Variants in UTP6 observed in about 807,000 individuals in gnomAD.
UTP6 encodes U3 small nucleolar RNA-associated protein 6 homolog.
Under a neutral mutation model 96.5 loss-of-function variants are expected in UTP6, and 60 were observed. The ratio of observed to expected loss-of-function variants is 0.62; its 90% CI spans 0.51 to 0.77. The LOEUF (loss-of-function observed/expected upper bound fraction) is 0.77, where lower values mean the gene tolerates loss of function less well. UTP6 is among the 30% of genes least tolerant of loss of function. The pLI, the probability that UTP6 is intolerant of heterozygous loss-of-function variation, is 0.00. For missense variants in UTP6, 637 were observed against 706.5 expected, an observed-to-expected ratio of 0.90 and a Z score of 1.12; for synonymous variants, 215 against 240.1, an observed-to-expected ratio of 0.90 and a Z score of 0.96.
rs1400996901 is a variant in UTP6, at chr17:31,880,454, C to T, written c.967+119G>A. 8 of 1,239,888 alleles carry T rather than the reference C, an allele frequency of 6.5e-6. No individual in the cohort carries two copies. In the South Asian group the frequency reaches 6.7e-5, roughly 10 times the overall value. The allele number at this position is 1,239,888 out of a possible 1,614,324, so 76.8% of individuals were successfully genotyped here. A position where few individuals can be genotyped will look rare whatever the true frequency, so the allele number is the denominator to read the frequency against. The stretch of plus-strand genomic sequence containing the variant: ...AAAAAAAAAAAAAGGCCAGGCTCAT[C>T]GTAAACTATGTTACAGAGACATCCC... On this transcript the variant is annotated intron_variant, in intron 11 of 18. Coordinates refer to ENST00000261708, the MANE Select transcript of UTP6 (RefSeq NM_018428.3).
chr17:31,894,084 C>T (rs1404482598), intron 4 of UTP6, among the ~76,000 whole-genome samples: 2 of 151,348 alleles, frequency 1.3e-5, no homozygotes, highest in African/African-American at 4.9e-5. Flanking sequence ...GCCTAAAAAA[C>T]ATGACGAAAC....
intron 9 of UTP6, among the ~76,000 whole-genome samples, chr17:31,885,363 G>A (rs897155466): frequency 4.0e-5 from 6 of 151,086 alleles, no homozygotes; most frequent in South Asian, 2.1e-4. Context: ...CAGGCTGGTC[G>A]CAAACTCCTG....
At chr17:31,864,132 C>T (rs1444973108) in intron 18 of UTP6, among the ~76,000 whole-genome samples, 1 of 152,100 alleles carries the variant, frequency 6.6e-6, no homozygotes, top group African/African-American at 2.4e-5. Context: ...CACCTGTAAT[C>T]CCGGCACTTT....
rs1909550099 is a variant in UTP6, at chr17:31,861,278, T to A, written c.*2081A>T. On this transcript the variant is annotated 3_prime_UTR_variant, in exon 19 of 19. Transcript: ENST00000261708. Reference sequence around the variant, plus strand: ...AAACAAGGCTGGGGGTAAAATTATTTGCAACAAATGAGAAACAAGATATTA... The same window carrying A: ...AAACAAGGCTGGGGGTAAAATTATTAGCAACAAATGAGAAACAAGATATTA... 1 of 151,994 alleles carries A rather than the reference T, an allele frequency of 6.6e-6. No homozygotes were observed. 9.4% of individuals were successfully genotyped at this position (151,994 alleles called of 1,614,324 possible). A position where few individuals can be genotyped will look rare whatever the true frequency, so the allele number is the denominator to read the frequency against.
intron 1 of UTP6, among the ~76,000 whole-genome samples, chr17:31,900,416 C>T (rs1424345515): frequency 2.0e-5 from 3 of 151,884 alleles, no homozygotes; most frequent in Admixed American, 6.6e-5. Context: ...CTCAGACTCC[C>T]GAGTAGCTGG....
rs1001043689 is a variant in UTP6, at chr17:31,868,185, G to C, written c.1497-73C>G. On this transcript the variant is annotated intron_variant, in intron 16 of 18. Coordinates refer to ENST00000261708, the MANE Select transcript of UTP6 (RefSeq NM_018428.3). ...CTTACATCTCATAACTGTAAATACC[G>C]AGACCAGTGCCTCCACAACACATGG... 12 of 1,372,520 alleles carry C rather than the reference G, an allele frequency of 8.7e-6. No homozygotes were observed. In the Admixed American group the frequency reaches 2.2e-4, roughly 25 times the overall value. 85.0% of individuals were successfully genotyped at this position (1,372,520 alleles called of 1,614,324 possible).
Position 31,873,756 on chromosome 17 carries a change from A to G in UTP6, c.1306-3T>C, listed in dbSNP as rs767481762. On this transcript the variant is annotated splice_region_variant and splice_polypyrimidine_tract_variant and intron_variant, in intron 14 of 18. Coordinates refer to ENST00000261708, the MANE Select transcript of UTP6 (RefSeq NM_018428.3). ...GAAATCCACAATGGCAGACAAACCT[A>G]CTCCCAGTTTAAAAAATGTTAGTTA... 6 of 1,603,096 alleles carry G rather than the reference A, an allele frequency of 3.7e-6. No individual in the cohort carries two copies. The highest frequency in any genetic ancestry group is 3.4e-6 in the Non-Finnish European group (4 of 1,177,748).
At chr17:31,864,082 C>T (rs1378262738) in intron 18 of UTP6, among the ~76,000 whole-genome samples, 1 of 151,726 alleles carries the variant, frequency 6.6e-6, no homozygotes, top group South Asian at 2.1e-4. Context: ...ATTCAATGAA[C>T]TCAAAAATAC....
At chr17:31,875,111 C>T (rs1215167697) in intron 14 of UTP6, 123 bp downstream of exon 14, 25 of 1,120,218 alleles carry the variant, frequency 2.2e-5, no homozygotes, top group African/African-American at 4.7e-5. Context: ...TGAACCATCA[C>T]CACTGAATAG....
chr17:31,884,727 A>C (rs1911052533), intron 9 of UTP6, among the ~76,000 whole-genome samples: 3 of 45,282 alleles, frequency 6.6e-5, no homozygotes, highest in African/African-American at 5.3e-4. Context: ...AAAAGAACTA[A>C]TTTTCAACTC....
rs984092912 is a variant in UTP6, at chr17:31,861,335, C to G, written c.*2024G>C. Reference sequence around the variant, plus strand: ...TGAATATGTTTTTAAAAACTCTGGCCAGGCACAATGGCTCATGCCTATAAT... The same window carrying G: ...TGAATATGTTTTTAAAAACTCTGGCGAGGCACAATGGCTCATGCCTATAAT... On this transcript the variant is annotated 3_prime_UTR_variant, in exon 19 of 19. Coordinates refer to ENST00000261708, the MANE Select transcript of UTP6 (RefSeq NM_018428.3). 1.3e-5 allele frequency: 2 copies of G among 152,200 alleles called. No individual in the cohort carries two copies. Among genetic ancestry groups the G allele is most frequent in the South Asian group, 2.1e-4 (1 of 4,814 alleles). 9.4% of individuals were successfully genotyped at this position (152,200 alleles called of 1,614,324 possible). A position where few individuals can be genotyped will look rare whatever the true frequency, so the allele number is the denominator to read the frequency against.
chr17:31,890,298 C>T, intron 6 of UTP6, among the ~76,000 whole-genome samples: 1 of 151,602 alleles, frequency 6.6e-6, no homozygotes, highest in Admixed American at 6.6e-5. Flanking sequence ...GCCTGGCCCA[C>T]ATACAAATTT....
At chr17:31,886,094 G>A in intron 8 of UTP6, 33 bp from the exon 9 acceptor site, 3 of 1,582,410 alleles carry the variant, frequency 1.9e-6, no homozygotes, top group Non-Finnish European at 2.6e-6. Context: ...TAACTTAACA[G>A]GTAGTACAAG....
intron 16 of UTP6, 79 bp downstream of exon 16, chr17:31,873,299 T>C (rs915780779): frequency 1.3e-5 from 17 of 1,337,228 alleles, no homozygotes; most frequent in Non-Finnish European, 1.6e-5. Flanking sequence ...AGATGCTATC[T>C]GTGATTCAAA....
chr17:31,878,592 A>G, intron 12 of UTP6, 110 bp downstream of exon 12: 1 of 1,096,916 alleles, frequency 9.1e-7, no homozygotes, highest in South Asian at 1.4e-5. Flanking sequence ...GAGAGTGGCT[A>G]AACATAAAAG....
intron 6 of UTP6, among the ~76,000 whole-genome samples, chr17:31,890,858 A>C (rs990651009): frequency 3.3e-5 from 5 of 151,396 alleles, no homozygotes; most frequent in Admixed American, 2.6e-4. Context: ...GTGGTGGTGC[A>C]CATCTGTAAT....
intron 14 of UTP6, 26 bp downstream of exon 14, chr17:31,875,208 G>T: frequency 6.2e-7 from 1 of 1,611,648 alleles, no homozygotes; most frequent in Non-Finnish European, 8.5e-7. Flanking sequence ...CAAATATAAT[G>T]AATACAAAAG....
At chr17:31,888,062 A>G (rs1047446352) in intron 7 of UTP6, 2 of 150,730 alleles carry the variant, frequency 1.3e-5, no homozygotes, top group Non-Finnish European at 2.9e-5. Context: ...TCTTTCTCTT[A>G]TTTGGGATTT....
chr17:31,873,358 C>T lies in UTP6; in HGVS notation c.1496+20G>A, dbSNP rs1359973939. ...CATGGGGTAGAGGGACTAGTAACAACTATGAACGTCTGTGAGTACCTTTTA... is the reference window on the plus strand; with the variant it reads ...CATGGGGTAGAGGGACTAGTAACAATTATGAACGTCTGTGAGTACCTTTTA... On this transcript the variant is annotated intron_variant, in intron 16 of 18. Transcript: ENST00000261708. The T allele has an allele frequency of 6.2e-7, 1 of 1,612,706 alleles. No homozygotes were observed. Among genetic ancestry groups the T allele is most frequent in the Non-Finnish European group, 8.5e-7 (1 of 1,178,878 alleles).
Sources: gnomAD v4.1 joint callset for allele counts (sites outside exome capture counted in the v4.1 genomes callset) on GRCh38, gnomAD v4.1.1 for gene constraint, MANE v1.5 for transcripts, NCBI Gene and HGNC (gene_info 2026-07-23, HGNC 2026-07-21) for gene names.